The following RILPL2 variants were observed in gnomAD, a reference collection of about 807,000 sequenced individuals.
The protein encoded by RILPL2 is Rab interacting lysosomal protein like 2.
RILPL2 carries 19 observed loss-of-function variants against 22.2 expected under a neutral mutation model. That is an observed-to-expected ratio of 0.86 (90% CI 0.60 to 1.25). The LOEUF (loss-of-function observed/expected upper bound fraction) is 1.25, where lower values mean the gene tolerates loss of function less well. Ranked by LOEUF, RILPL2 falls within the 50% of genes most tolerant of loss-of-function variation. The pLI is 0.00. For synonymous variants in RILPL2, 123 were observed against 111.6 expected (o/e 1.10, Z -0.64); for missense variants, 243 against 263.6 (o/e 0.92, Z 0.54).
chr12:123,418,017 T>A (rs1320625488), intron 3 of RILPL2, among the ~76,000 whole-genome samples: 2 of 152,170 alleles, frequency 1.3e-5, no homozygotes, highest in African/African-American at 2.4e-5. Flanking sequence ...GACCATGGCC[T>A]ACTGTAGCCT....
At chr12:123,433,951 C>T (rs922566049) in intron 1 of RILPL2, among the ~76,000 whole-genome samples, 3 of 152,110 alleles carry the variant, frequency 2.0e-5, no homozygotes, top group African/African-American at 4.8e-5. Flanking sequence ...CTTAACTTGC[C>T]GTGAAGTCCT....
intron 2 of RILPL2, among the ~76,000 whole-genome samples, chr12:123,430,149 C>T (rs1879581068): frequency 7.3e-6 from 1 of 136,474 alleles, no homozygotes; most frequent in African/African-American, 2.7e-5. Context: ...GTGGCTCATG[C>T]CTGTAATCCC....
chr12:123,425,423 C>A (rs1354948588), intron 2 of RILPL2, among the ~76,000 whole-genome samples: 1 of 152,054 alleles, frequency 6.6e-6, no homozygotes, highest in Non-Finnish European at 1.5e-5. Context: ...AAGTGATCTG[C>A]CTGCCTCAGC....
chr12:123,419,853 G>A (rs1191418190), intron 3 of RILPL2, among the ~76,000 whole-genome samples: 7 of 151,458 alleles, frequency 4.6e-5, no homozygotes, highest in Non-Finnish European at 1.0e-4. Context: ...GAGTGCAGTG[G>A]TGCGATCTTG....
At chr12:123,432,845 A>G (rs1311925298) in intron 1 of RILPL2, among the ~76,000 whole-genome samples, 1 of 152,222 alleles carries the variant, frequency 6.6e-6, no homozygotes, top group Non-Finnish European at 1.5e-5. Flanking sequence ...CCAGGCTACA[A>G]GTCATCACAC....
chr12:123,434,569 A>T (rs1029601232), intron 1 of RILPL2, among the ~76,000 whole-genome samples: 24 of 151,280 alleles, frequency 1.6e-4, no homozygotes, highest in African/African-American at 5.8e-4. Flanking sequence ...GATTACAGGC[A>T]CCCGCCACCA....
At position 123,436,110 on chromosome 12, in the gene RILPL2, C is replaced by A. The variant is rs866346497; in HGVS notation, c.311G>T (p.Arg104Leu). Reference protein sequence around the residue: ...DHLRKEVEGLRRQSPPASGEV... With the variant: ...DHLRKEVEGLLRQSPPASGEV... ...CCCGCTGGCCGGAGGGCTCTGTCTCCGCAGCCCCTCCACCTCCTTCCTGAG... is the reference window on the plus strand; with the variant it reads ...CCCGCTGGCCGGAGGGCTCTGTCTCAGCAGCCCCTCCACCTCCTTCCTGAG... The change falls in exon 1 of 4, where the codon CGG becomes CTG. Residue 104 changes from arginine to leucine, a missense_variant. Arg to Leu is a moderately radical substitution (Grantham distance 102). Coordinates refer to ENST00000280571, the MANE Select transcript of RILPL2 (RefSeq NM_145058.3). This position sits in a 1 kb window ranked among gnomAD's most constrained non-coding sequence, Gnocchi z 6.7. The A allele has an allele frequency of 2.5e-6, 4 of 1,584,710 alleles. No individual in the cohort carries two copies. In the African/African-American group the frequency reaches 5.4e-5, roughly 21 times the overall value.
intron 3 of RILPL2, among the ~76,000 whole-genome samples, chr12:123,419,579 A>G (rs1335513313): frequency 1.3e-5 from 2 of 150,190 alleles, no homozygotes; most frequent in African/African-American, 4.9e-5. Context: ...TATTCTGGTT[A>G]TCAAGAGGAT....
intron 2 of RILPL2, among the ~76,000 whole-genome samples, chr12:123,429,509 C>G (rs926618894): frequency 6.6e-6 from 1 of 151,734 alleles, no homozygotes; most frequent in African/African-American, 2.4e-5. Flanking sequence ...GTTGGCCAGG[C>G]TGGTCTCGAA....
chr12:123,421,069 G>T (rs1195827733), intron 3 of RILPL2, among the ~76,000 whole-genome samples: 4 of 150,500 alleles, frequency 2.7e-5, no homozygotes, highest in Non-Finnish European at 5.9e-5. Flanking sequence ...TTGAGACAGG[G>T]TCTCACTCTG....
chr12:123,436,387 C>G lies in RILPL2; in HGVS notation c.34G>C (p.Glu12Gln). The change falls in exon 1 of 4, where the codon GAG becomes CAG. Residue 12 changes from glutamate to glutamine, a missense_variant. Glu to Gln is a conservative substitution (Grantham distance 29). Coordinates refer to ENST00000280571, the MANE Select transcript of RILPL2 (RefSeq NM_145058.3). The surrounding 1 kb of genome is among the most constrained non-coding windows in gnomAD (Gnocchi z 6.7). ...EEPPVREEEE[E>Q]EGEEDEERDE... ...CTCTCCTCGTCCTCCTCTCCCTCCT[C>G]CTCTTCCTCTTCTCGCACAGGGGGC... 2 of 1,551,304 alleles carry G rather than the reference C, an allele frequency of 1.3e-6. No individual in the cohort carries two copies. Among genetic ancestry groups the G allele is most frequent in the South Asian group, 2.4e-5 (2 of 84,170 alleles).
intron 3 of RILPL2, among the ~76,000 whole-genome samples, chr12:123,420,014 C>T (rs546826996): frequency 7.7e-5 from 10 of 130,258 alleles, no homozygotes; most frequent in East Asian, 4.5e-4. Context: ...TTAGTAGAGA[C>T]GGGGTTTCTT....
the RILPL2 span, among the ~76,000 whole-genome samples, chr12:123,409,813 A>G: frequency 4.2e-5 from 6 of 141,298 alleles, no homozygotes; most frequent in African/African-American, 1.7e-4. Flanking sequence ...TGCAACCTCT[A>G]CCTCCCAGGT....
rs928498925 is a variant in RILPL2 at position 123,421,004 on chromosome 12, C to G, written c.605+2040G>C. On this transcript the variant is annotated intron_variant, in intron 3 of 3. Transcript: ENST00000280571. ...GATGTTTACTCAGCTCAGTGTCTGG[C>G]ACATAGCAAATGCTCACTAAGTGGG... Among the ~76,000 whole-genome samples, 3 of 151,904 alleles carry G rather than the reference C, an allele frequency of 2.0e-5. No homozygotes were observed. The South Asian group carries it at 6.2e-4, about 32-fold the overall frequency.
chr12:123,411,494 T>G (rs995043150), downstream of RILPL2: 13 of 143,772 alleles, frequency 9.0e-5, no homozygotes, highest in African/African-American at 3.4e-4. Context: ...ATAAATAAAA[T>G]AAAAGATGAT....
chr12:123,421,232 C>T lies in RILPL2; in HGVS notation c.605+1812G>A, dbSNP rs200660024. On this transcript the variant is annotated intron_variant, in intron 3 of 3. Transcript: ENST00000280571. ...TCATTTTTGTATTTTTTAATAGAGT[C>T]AGGGTTTCACCATGTTGGCCAGGCT... Among the ~76,000 whole-genome samples the T allele has an allele frequency of 2.0e-5, 3 of 152,018 alleles. No homozygotes were observed. The East Asian group carries it at 5.8e-4, about 29-fold the overall frequency.
At chr12:123,413,676 G>C (rs1448034502), downstream of RILPL2, 3 of 152,328 alleles carry the variant, frequency 2.0e-5, no homozygotes, top group African/African-American at 7.2e-5. Flanking sequence ...CTGCTGCCTG[G>C]GGCAGCCTGC....
intron 2 of RILPL2, among the ~76,000 whole-genome samples, chr12:123,429,933 T>C (rs1050750023): frequency 1.9e-4 from 29 of 150,810 alleles, no homozygotes; most frequent in Non-Finnish European, 3.8e-4. Context: ...CTGGGCAACA[T>C]GGCGAGACCC....
chr12:123,423,207 T>G lies in RILPL2; in HGVS notation c.492-50A>C, dbSNP rs747138465. ...TGGATTATTTTATTACAGATCGTTTTTTTTTTTTTTTTGAGTTGGAGTCTT... is the reference window on the plus strand; with the variant it reads ...TGGATTATTTTATTACAGATCGTTTGTTTTTTTTTTTTGAGTTGGAGTCTT... On this transcript the variant is annotated intron_variant, in intron 2 of 3. Transcript: ENST00000280571. 24 of 1,210,400 alleles carry G rather than the reference T, an allele frequency of 2.0e-5. No homozygotes were observed. In the East Asian group the frequency reaches 5.4e-4, roughly 27 times the overall value. 75.0% of individuals were successfully genotyped at this position (1,210,400 alleles called of 1,614,324 possible).
Sources: allele counts gnomAD v4.1 joint callset (sites outside exome capture counted in the v4.1 genomes callset), GRCh38; gene constraint gnomAD v4.1.1; non-coding constraint Gnocchi (gnomAD v3.1); transcripts MANE v1.5; gene names NCBI Gene and HGNC (gene_info 2026-07-23, HGNC 2026-07-21).